AEBP2: variants seen among roughly 807,000 people sequenced by gnomAD.
The protein encoded by AEBP2 is AE binding protein 2.
A neutral mutation model predicts 50.8 loss-of-function variants in AEBP2; 10 were observed. The observed-to-expected ratio is 0.20, with a 90% CI of 0.12 to 0.33. AEBP2 has a LOEUF of 0.33. Among genes scored for constraint, AEBP2 ranks in the 10% least tolerant of loss-of-function variants. AEBP2 has a pLI of 1.00. For missense variants in AEBP2, 570 were observed against 688.0 expected (o/e 0.83, Z 1.92); for synonymous variants, 296 against 261.3 (o/e 1.13, Z -1.28).
chr12:19,514,026 G>A (rs1949279138), intron 6 of AEBP2, among the ~76,000 whole-genome samples: 1 of 149,154 alleles, frequency 6.7e-6, no homozygotes, highest in South Asian at 2.1e-4. Context: ...TGGAGAGAGA[G>A]TCTCACTTTG....
intron 1 of AEBP2, among the ~76,000 whole-genome samples, chr12:19,409,137 G>C (rs2095737908): frequency 6.6e-6 from 1 of 152,046 alleles, no homozygotes; most frequent in South Asian, 2.1e-4. Context: ...CCTTCAACTA[G>C]TGATTTTTAA....
intron 1 of AEBP2, among the ~76,000 whole-genome samples, chr12:19,419,786 C>A (rs534858146): frequency 6.6e-6 from 1 of 151,056 alleles, no homozygotes; most frequent in African/African-American, 2.4e-5. Context: ...AAAAATTAGC[C>A]GGGCGTGGTG....
intron 1 of AEBP2, among the ~76,000 whole-genome samples, chr12:19,457,883 C>G (rs939810012): frequency 9.9e-5 from 15 of 152,156 alleles, no homozygotes; most frequent in African/African-American, 3.6e-4. Context: ...TTTGTATACA[C>G]ATGAAAGTTT....
chr12:19,418,614 C>T (rs1204270875), intron 1 of AEBP2, among the ~76,000 whole-genome samples: 5 of 151,974 alleles, frequency 3.3e-5, no homozygotes, highest in Non-Finnish European at 7.4e-5. Context: ...GTAAGAATCC[C>T]CCCACTTTGA....
chr12:19,510,865 C>CTTTTTTTTTTT (rs58870259), intron 5 of AEBP2, among the ~76,000 whole-genome samples: 1,570 of 88,832 alleles, frequency 0.018, 123 homozygotes, highest in Admixed American at 0.069. Flanking sequence ...AAGGTAGTGA[C>CTTTTTTTTTTT]TTTTTTTTTT....
chr12:19,456,262 C>T, intron 1 of AEBP2: 1 of 1,528,688 alleles, frequency 6.5e-7, no homozygotes, highest in Non-Finnish European at 9.0e-7. Flanking sequence ...GCCTTTTGAG[C>T]TTTCTGGGCA....
rs761293040 is a variant in AEBP2 at position 19,473,376 on chromosome 12, A to AATTAATTT, written c.987+24_987+25insAATTTATT. The AATTAATTT allele has an allele frequency of 0.017, 3,011 of 175,300 alleles. 96 individuals are homozygous for AATTAATTT. In the African/African-American group the frequency reaches 0.2, roughly 12 times the overall value. The allele number at this position is 175,300 out of a possible 1,614,324, so 10.9% of individuals were successfully genotyped here. ...TCAAGGTAAGGATGCATGTATATAA[A>AATTAATTT]ATTTATTTATTTATTTATTTATTTA... On this transcript the variant is annotated intron_variant, in intron 3 of 7. Coordinates refer to ENST00000266508, the MANE Select transcript of AEBP2 (RefSeq NM_153207.5).
Position 19,518,801 on chromosome 12 carries a change from G to T in AEBP2, c.*684G>T, listed in dbSNP as rs951356080. The T allele has an allele frequency of 4.7e-6, 6 of 1,273,356 alleles. No individual in the cohort carries two copies. Among genetic ancestry groups the T allele is most frequent in the Non-Finnish European group, 6.4e-6 (6 of 935,826 alleles). The allele number at this position is 1,273,356 out of a possible 1,614,324, so 78.9% of individuals were successfully genotyped here. On this transcript the variant is annotated 3_prime_UTR_variant, in exon 8 of 8. Coordinates refer to ENST00000266508, the MANE Select transcript of AEBP2 (RefSeq NM_153207.5). The stretch of plus-strand genomic sequence containing the variant: ...GTTAAAGAGTGTTGCAGTATGTCTG[G>T]TGGCTCCCTTTTCAGGACTAGGGCT...
At chr12:19,488,370 C>T (rs1213617736) in intron 3 of AEBP2, among the ~76,000 whole-genome samples, 4 of 150,992 alleles carry the variant, frequency 2.6e-5, no homozygotes, top group African/African-American at 9.8e-5. Context: ...TTAATCGATC[C>T]GCTCACCTCG....
intron 7 of AEBP2, among the ~76,000 whole-genome samples, chr12:19,515,253 T>C (rs1321346073): frequency 7.9e-5 from 12 of 152,154 alleles, no homozygotes; most frequent in Non-Finnish European, 1.0e-4. Context: ...TCTAGTAATT[T>C]TATGTTTTGA....
At chr12:19,497,931 T>C (rs1949012188) in intron 4 of AEBP2, among the ~76,000 whole-genome samples, 1 of 152,140 alleles carries the variant, frequency 6.6e-6, no homozygotes, top group Admixed American at 6.5e-5. Context: ...ATGAAGAAAT[T>C]AACAAGGGTA....
intron 1 of AEBP2, chr12:19,457,171 A>G: frequency 6.3e-7 from 1 of 1,597,730 alleles, no homozygotes; most frequent in African/African-American, 1.3e-5. Flanking sequence ...AGTGGAATCC[A>G]TTTTGTTAAC....
In AEBP2 at chr12:19,408,667, C is replaced by T. The variant is rs188839273; in HGVS notation, c.-17+4451C>T. On this transcript the variant is annotated intron_variant, in intron 1 of 3. Transcript: ENST00000538425. Reference sequence around the variant, plus strand: ...CTAAAATCCCAGCACTTTGGGAGGCCGAGGCAGGTGGATCACGAGGTCAGG... The same window carrying T: ...CTAAAATCCCAGCACTTTGGGAGGCTGAGGCAGGTGGATCACGAGGTCAGG... Among the ~76,000 whole-genome samples the T allele has an allele frequency of 1.4e-3, 220 of 151,884 alleles. 2 individuals are homozygous for T. Among genetic ancestry groups the T allele is most frequent in the African/African-American group, 4.7e-3 (196 of 41,404 alleles).
chr12:19,511,413 A>C (rs1282306629), intron 5 of AEBP2, among the ~76,000 whole-genome samples: 1 of 150,938 alleles, frequency 6.6e-6, no homozygotes, highest in East Asian at 1.9e-4. Flanking sequence ...AAAGGCGTTC[A>C]AGGCAGAAAA....
At chr12:19,491,101 C>T (rs746890716) in intron 3 of AEBP2, among the ~76,000 whole-genome samples, 29 of 152,258 alleles carry the variant, frequency 1.9e-4, no homozygotes, top group Middle Eastern at 3.4e-3. Context: ...TTTGCAGTGA[C>T]CTTGGCAGTG....
intron 1 of AEBP2, among the ~76,000 whole-genome samples, chr12:19,445,322 CTGAG>C: frequency 6.6e-6 from 1 of 151,848 alleles, no homozygotes. Context: ...CCTCAGCCTC[CTGAG>C]TATCTGGGAT....
Position 19,462,696 on chromosome 12 carries a change from T to C in AEBP2, c.858T>C (p.His286=), listed in dbSNP as rs758430656. The C allele has an allele frequency of 2.5e-6, 4 of 1,608,174 alleles. No homozygotes were observed. Among genetic ancestry groups the C allele is most frequent in the East Asian group, 2.2e-5 (1 of 44,816 alleles). ...PDLADHIRSI[H]VDGQRGGVFV... Reference sequence around the variant, plus strand: ...TGGCAGATCACATCCGTTCCATACATGTAGATGGTCAGCGAGGAGGGGTTG... The same window carrying C: ...TGGCAGATCACATCCGTTCCATACACGTAGATGGTCAGCGAGGAGGGGTTG... The change falls in exon 2 of 8, where the codon CAT becomes CAC. Residue 286 remains histidine, a synonymous_variant. Coordinates refer to ENST00000266508, the MANE Select transcript of AEBP2 (RefSeq NM_153207.5).
rs71067027 is a variant in AEBP2, at chr12:19,481,092, C to CTTTTTTTTTTTTTTTTTTTTTTTTTTTT, written c.987+7763_987+7764insTTTTTTTTTTTTTTTTTTTTTTTTTTTT. On this transcript the variant is annotated intron_variant, in intron 3 of 7. Coordinates refer to ENST00000266508, the MANE Select transcript of AEBP2 (RefSeq NM_153207.5). ...TGTTATTGAAACTTTGCAGTGCATC[C>CTTTTTTTTTTTTTTTTTTTTTTTTTTTT]TTTTTTTTTTTTTTTTTTTTTTTTT... Among the ~76,000 whole-genome samples the CTTTTTTTTTTTTTTTTTTTTTTTTTTTT allele has an allele frequency of 2.7e-5, 2 of 74,050 alleles. 1 individual carries two copies. The allele number at this position is 74,050 out of a possible 152,430, so 48.6% of individuals were successfully genotyped here.
chr12:19,506,026 A>G (rs1184830228), intron 5 of AEBP2, among the ~76,000 whole-genome samples: 1 of 151,958 alleles, frequency 6.6e-6, no homozygotes, highest in East Asian at 1.9e-4. Context: ...CCTGGGCTCA[A>G]GTGATCCTCC....
Sources: allele counts gnomAD v4.1 joint callset (sites outside exome capture counted in the v4.1 genomes callset), GRCh38; gene constraint gnomAD v4.1.1; transcripts MANE v1.5; gene names NCBI Gene and HGNC (gene_info 2026-07-23, HGNC 2026-07-21).